The following TOLLIP variants were observed in gnomAD, a reference collection of about 807,000 sequenced individuals.
TOLLIP encodes toll interacting protein.
Under a neutral mutation model 33.5 loss-of-function variants are expected in TOLLIP, and 16 were observed. The ratio of observed to expected loss-of-function variants is 0.48; its 90% CI spans 0.32 to 0.72. The LOEUF is 0.72. Ranked by LOEUF, TOLLIP falls within the 30% of genes least tolerant of loss-of-function variation. The pLI, the probability that TOLLIP is intolerant of heterozygous loss-of-function variation, is 0.03. For missense variants in TOLLIP, 325 were observed against 396.6 expected (o/e 0.82, Z 1.53); for synonymous variants, 176 against 163.7 (o/e 1.07, Z -0.57).
intron 5 of TOLLIP, among the ~76,000 whole-genome samples, chr11:1,279,267 A>G (rs1863413665): frequency 6.6e-6 from 1 of 152,132 alleles, no homozygotes; most frequent in Non-Finnish European, 1.5e-5. Context: ...CCCCCGGGGG[A>G]AGAGGTGGGT....
In TOLLIP at chr11:1,290,396, T is replaced by C. The variant is rs1863896315; in HGVS notation, c.197A>G (p.Lys66Arg). ...GTCCATGCGGGTCATGCCGTAATTCTTGGCCAACTTTGCCTGGAATGAAGC... is the reference window on the plus strand; with the variant it reads ...GTCCATGCGGGTCATGCCGTAATTCCTGGCCAACTTTGCCTGGAATGAAGC... ...NITVVQAKLA[K>R]NYGMTRMDPY... The change falls in exon 3 of 6, where the codon AAG (lysine) becomes AGG (arginine). Residue 66 changes from lysine (K) to arginine (R), a missense_variant. Coordinates refer to ENST00000317204, the MANE Select transcript of TOLLIP (RefSeq NM_019009.4). The surrounding 1 kb of genome is among the most constrained non-coding windows in gnomAD (Gnocchi z 4.9). The C allele has an allele frequency of 6.2e-7, 1 of 1,610,924 alleles. No individual in the cohort carries two copies. Among genetic ancestry groups the C allele is most frequent in the Admixed American group, 1.7e-5 (1 of 59,960 alleles).
intron 2 of TOLLIP, chr11:1,291,891 C>A (rs1863966956): frequency 6.3e-6 from 1 of 158,070 alleles, no homozygotes; most frequent in African/African-American, 2.4e-5. Context: ...TCCACGCCAA[C>A]CCTCGCCGCA....
intron 1 of TOLLIP, among the ~76,000 whole-genome samples, chr11:1,300,610 C>T (rs1864240871): frequency 6.6e-6 from 1 of 152,208 alleles, no homozygotes; most frequent in Admixed American, 6.5e-5. Context: ...CCTTGGGCCA[C>T]ACTTTCTGCC....
intron 1 of TOLLIP, among the ~76,000 whole-genome samples, chr11:1,297,587 C>A (rs948368152): frequency 2.0e-5 from 3 of 152,276 alleles, no homozygotes; most frequent in African/African-American, 7.2e-5. Flanking sequence ...CCACACTTTA[C>A]CCCGTTTTTG....
At chr11:1,293,153 G>A (rs1864006837) in intron 2 of TOLLIP, among the ~76,000 whole-genome samples, 1 of 152,238 alleles carries the variant, frequency 6.6e-6, no homozygotes, top group Admixed American at 6.5e-5. Flanking sequence ...AGCACCAGCA[G>A]CACGAGGGCT....
intron 2 of TOLLIP, among the ~76,000 whole-genome samples, chr11:1,293,090 GGC>G (rs1365824092): frequency 6.6e-6 from 1 of 152,150 alleles, no homozygotes; most frequent in Non-Finnish European, 1.5e-5. Flanking sequence ...GGCTGAAGGT[GGC>G]GCCTGTGCTG....
chr11:1,294,032 C>T (rs1193305726), intron 2 of TOLLIP, among the ~76,000 whole-genome samples: 1 of 152,280 alleles, frequency 6.6e-6, no homozygotes. Flanking sequence ...ATTCTTCTGC[C>T]TGCTGTATTT....
At chr11:1,281,041 A>T (rs1462869940) in intron 5 of TOLLIP, among the ~76,000 whole-genome samples, 3 of 152,364 alleles carry the variant, frequency 2.0e-5, no homozygotes, top group African/African-American at 7.2e-5. Context: ...ATGCTTCATG[A>T]GGCCACGCGG....
intron 5 of TOLLIP, among the ~76,000 whole-genome samples, chr11:1,282,484 T>C (rs1048825354): frequency 2.1e-5 from 3 of 145,386 alleles, no homozygotes; most frequent in Non-Finnish European, 4.5e-5. Context: ...AATAAATAAA[T>C]AAATAAAATA....
At position 1,290,078 on chromosome 11, in the gene TOLLIP, C is replaced by G. The variant is rs1367027411; in HGVS notation, c.366+149G>C. On this transcript the variant is annotated intron_variant, in intron 3 of 5. Transcript: ENST00000317204. This position sits in a 1 kb window ranked among gnomAD's most constrained non-coding sequence, Gnocchi z 4.9. ...CCTTTTTCACATTCCTTGGGGAGAG[C>G]AGGACCCTGTCATGCACCCAATGAA... The G allele has an allele frequency of 2.9e-6, 2 of 691,710 alleles. No individual in the cohort carries two copies. Among genetic ancestry groups the G allele is most frequent in the East Asian group, 5.5e-5 (2 of 36,638 alleles). 42.8% of individuals were successfully genotyped at this position (691,710 alleles called of 1,614,324 possible).
chr11:1,296,478 G>A (rs1162258722), intron 1 of TOLLIP, among the ~76,000 whole-genome samples: 2 of 152,250 alleles, frequency 1.3e-5, no homozygotes, highest in African/African-American at 4.8e-5. Context: ...AAGGGGCCTG[G>A]GGTAAACCAT....
In TOLLIP at chr11:1,278,161, C is replaced by A. The variant is rs5744012; in HGVS notation, c.611-908G>T. Among the ~76,000 whole-genome samples the A allele has an allele frequency of 3.2e-3, 490 of 152,300 alleles. 5 individuals are homozygous for A. The highest frequency in any genetic ancestry group is 0.011 in the African/African-American group (464 of 41,566). On this transcript the variant is annotated intron_variant, in intron 5 of 5. Transcript: ENST00000317204. The surrounding 1 kb of genome is among the most constrained non-coding windows in gnomAD (Gnocchi z 4.7). ...GGTGGCCGCTCCCTAAAACCACGAGCAGCCCTGAGCACAGGCAGCGTGCGC... is the reference window on the plus strand; with the variant it reads ...GGTGGCCGCTCCCTAAAACCACGAGAAGCCCTGAGCACAGGCAGCGTGCGC...
rs1863341775 is a variant in TOLLIP at position 1,277,250 on chromosome 11, A to T, written c.614T>A (p.Met205Lys). ...CATGCCGGGGCTACAGACAGCGGGC[A>T]TCCCTGGAAGCAAAGATCAAGTTTG... is the stretch of plus-strand genomic sequence containing the variant. ...QGVGYVPITG[M>K]PAVCSPGMVP... The change falls in exon 6 of 6, where the codon ATG (methionine) becomes AAG (lysine). Residue 205 changes from methionine to lysine, a missense_variant. Physicochemically the swap from Met to Lys is moderately conservative, Grantham distance 95 (BLOSUM62 -1). Coordinates refer to ENST00000317204, the MANE Select transcript of TOLLIP (RefSeq NM_019009.4). This position sits in a 1 kb window ranked among gnomAD's most constrained non-coding sequence, Gnocchi z 4.2. 6.5e-7 allele frequency: 1 copy of T among 1,548,104 alleles called. No homozygotes were observed. Among genetic ancestry groups the T allele is most frequent in the African/African-American group, 1.4e-5 (1 of 72,780 alleles).
chr11:1,281,480 G>T (rs1416299124), intron 5 of TOLLIP, among the ~76,000 whole-genome samples: 1 of 152,202 alleles, frequency 6.6e-6, no homozygotes, highest in Admixed American at 6.5e-5. Flanking sequence ...GACACCACGG[G>T]AGGCTCTCGG....
chr11:1,276,869 G>A lies in TOLLIP; in HGVS notation c.*170C>T, dbSNP rs1427119238. 7.8e-6 allele frequency: 12 copies of A among 1,539,972 alleles called. No homozygotes were observed. In the Admixed American group the frequency reaches 7.8e-5, roughly 10 times the overall value. The stretch of plus-strand genomic sequence containing the variant: ...GCCCCGTCCTGGACCGCCAGGAACC[G>A]AAAACCCACATGCACCCAAGAACAG... On this transcript the variant is annotated 3_prime_UTR_variant, in exon 6 of 6. Transcript: ENST00000317204.
intron 1 of TOLLIP, chr11:1,298,286 C>G (rs5743927): frequency 0.023 from 3,453 of 152,318 alleles, 55 homozygotes; most frequent in Non-Finnish European, 0.033. Context: ...CCTGGGCACA[C>G]GTAGGGGACA....
At chr11:1,298,084 AC>A (rs1864163478) in intron 1 of TOLLIP, 1 of 152,278 alleles carries the variant, frequency 6.6e-6, no homozygotes, top group Non-Finnish European at 1.5e-5. Flanking sequence ...CTGTCTGCTC[AC>A]CAGGAACGGG....
rs1281616872 is a variant in TOLLIP at position 1,303,861 on chromosome 11, C to T, written c.33+5605G>A. Among the ~76,000 whole-genome samples, 7 of 152,172 alleles carry T rather than the reference C, an allele frequency of 4.6e-5. No homozygotes were observed. The East Asian group carries it at 1.4e-3, about 29-fold the overall frequency. On this transcript the variant is annotated intron_variant, in intron 1 of 5. Coordinates refer to ENST00000317204, the MANE Select transcript of TOLLIP (RefSeq NM_019009.4). The surrounding 1 kb of genome is among the most constrained non-coding windows in gnomAD (Gnocchi z 4.2). ...GAACAGCCTGGCCAACATGGTGAAA[C>T]CCCATCTCTACTAAAAATACAAAAA...
At chr11:1,289,955 G>A (rs1416221304) in intron 3 of TOLLIP, 14 of 432,054 alleles carry the variant, frequency 3.2e-5, no homozygotes, top group East Asian at 4.2e-5. Context: ...GACCCTGTGC[G>A]CCCAGCGGAG....
Sources: gnomAD v4.1 joint callset for allele counts (sites outside exome capture counted in the v4.1 genomes callset) on GRCh38, gnomAD v4.1.1 for gene constraint, Gnocchi (gnomAD v3.1) non-coding constraint, MANE v1.5 for transcripts, NCBI Gene and HGNC (gene_info 2026-07-23, HGNC 2026-07-21) for gene names.